Variants in DIPK1A observed in about 807,000 individuals in gnomAD.
DIPK1A encodes family with sequence similarity 69 member A.
A neutral mutation model predicts 40.8 loss-of-function variants in DIPK1A; 27 were observed. That is an observed-to-expected ratio of 0.66 (90% CI 0.49 to 0.91). DIPK1A has a LOEUF of 0.91. Ranked by LOEUF, DIPK1A falls within the 40% of genes least tolerant of loss-of-function variation. The pLI, the probability that DIPK1A is intolerant of heterozygous loss-of-function variation, is 0.00. For synonymous variants in DIPK1A, 166 were observed against 171.3 expected (o/e 0.97, Z 0.24); for missense variants, 412 against 505.7 (o/e 0.81, Z 1.78).
chr1:92,918,232 C>G (rs773920574), intron 1 of DIPK1A, among the ~76,000 whole-genome samples: 10 of 152,124 alleles, frequency 6.6e-5, no homozygotes, highest in Non-Finnish European at 1.5e-4. Context: ...TCACTCCAAT[C>G]TCCACCTTCC....
At chr1:92,859,931 G>A (rs1464801280) in intron 2 of DIPK1A, among the ~76,000 whole-genome samples, 1 of 152,108 alleles carries the variant, frequency 6.6e-6, no homozygotes, top group East Asian at 1.9e-4. Flanking sequence ...CAAGCTACTG[G>A]CCTCAGGCAA....
intron 1 of DIPK1A, among the ~76,000 whole-genome samples, chr1:92,882,627 T>C (rs1030271908): frequency 6.6e-6 from 1 of 152,242 alleles, no homozygotes; most frequent in East Asian, 1.9e-4. Flanking sequence ...GATTTAACCA[T>C]GCTGATACAT....
intron 1 of DIPK1A, among the ~76,000 whole-genome samples, chr1:92,885,134 G>A (rs1202742979): frequency 6.6e-6 from 1 of 152,162 alleles, no homozygotes; most frequent in African/African-American, 2.4e-5. Flanking sequence ...AGAGACCAGG[G>A]AGGGGTGGAA....
chr1:92,837,464 G>A, downstream of DIPK1A: 1 of 1,613,174 alleles, frequency 6.2e-7, no homozygotes, highest in Non-Finnish European at 8.5e-7. Context: ...AGTACCAAAC[G>A]ATTCCCTGGT....
chr1:92,854,365 T>A (rs1326255923), intron 2 of DIPK1A, among the ~76,000 whole-genome samples: 2 of 152,220 alleles, frequency 1.3e-5, no homozygotes, highest in Middle Eastern at 3.2e-3. Flanking sequence ...AACTACAAAA[T>A]AATAAAGCCA....
At chr1:92,913,199 T>C (rs1480898973) in intron 1 of DIPK1A, among the ~76,000 whole-genome samples, 1 of 152,220 alleles carries the variant, frequency 6.6e-6, no homozygotes. Context: ...AGATGAGGTG[T>C]TAGCTTTCTA....
At chr1:92,839,881 C>T (rs560644554), downstream of DIPK1A, among the ~76,000 whole-genome samples, 1 of 151,432 alleles carries the variant, frequency 6.6e-6, no homozygotes, top group Non-Finnish European at 1.5e-5. Context: ...TGTTCTGTTT[C>T]CTGGGCTGGG....
intron 4 of DIPK1A, chr1:92,837,031 G>T (rs1227523557): frequency 2.1e-5 from 6 of 280,466 alleles, no homozygotes. Flanking sequence ...TTATGATGTG[G>T]AGGTGGGTGG....
rs181791233 is a variant in DIPK1A at position 92,845,125 on chromosome 1, T to A, written c.475-930A>T. ...ACGCCCAGCTAATTTTTTTTTGTAT[T>A]TTTAGTAGAGACGGGGTTTCACCAT... On this transcript the variant is annotated intron_variant, in intron 4 of 4. Transcript: ENST00000370310. 1.6e-3 allele frequency among the ~76,000 whole-genome samples: 243 copies of A among 151,506 alleles called. 1 individual carries two copies. Among genetic ancestry groups the A allele is most frequent in the African/African-American group, 5.7e-3 (236 of 41,368 alleles).
Position 92,851,542 on chromosome 1 carries a change from C to CAAAAA in DIPK1A, c.190-592_190-588dup, listed in dbSNP as rs59664439. Among the ~76,000 whole-genome samples the CAAAAA allele has an allele frequency of 5.0e-3, 174 of 34,774 alleles. 31 individuals carry two copies. Among genetic ancestry groups the CAAAAA allele is most frequent in the Middle Eastern group, 0.031 (1 of 32 alleles). 22.8% of individuals were successfully genotyped at this position (34,774 alleles called of 152,430 possible). A position where few individuals can be genotyped will look rare whatever the true frequency, so the allele number is the denominator to read the frequency against. On this transcript the variant is annotated intron_variant, in intron 2 of 4. Transcript: ENST00000370310. ...TGGGTGAGAGAGTGAGACCCTATCTCAAAAAAAAAAAAAAAAAAAACTTCT... is the reference window on the plus strand; with the variant it reads ...TGGGTGAGAGAGTGAGACCCTATCTCAAAAAAAAAAAAAAAAAAAAAAAAACTTCT...
In DIPK1A at chr1:92,843,685, G is replaced by A. The variant is rs1422583064; in HGVS notation, c.985C>T (p.Arg329Cys). 2.6e-6 allele frequency: 4 copies of A among 1,551,534 alleles called. No individual in the cohort carries two copies. The highest frequency in any genetic ancestry group is 2.6e-6 in the Non-Finnish European group (3 of 1,146,980). Residue 329 changes from arginine (R) to cysteine (C), a missense_variant, in exon 5 of 5, where the codon CGT becomes TGT. Coordinates refer to ENST00000370310, the MANE Select transcript of DIPK1A (RefSeq NM_001006605.5). ...CAGTCCAAATCAGACTCACAGTGAC[G>A]ATCCTTAATAAGTTCTTTCAGGTTT... ...ETNLKELIKD[R>C]HCESDLDCVY... is the part of the protein sequence containing the mutation.
intron 4 of DIPK1A, chr1:92,836,845 T>C (rs1411299156): frequency 4.9e-6 from 1 of 204,204 alleles, no homozygotes; most frequent in Non-Finnish European, 1.0e-5. Context: ...TTGTAGGCCA[T>C]TTTGGGAAGT....
At chr1:92,876,104 A>C (rs1046676866) in intron 2 of DIPK1A, among the ~76,000 whole-genome samples, 192 bp downstream of exon 2, 3 of 151,522 alleles carry the variant, frequency 2.0e-5, no homozygotes, top group African/African-American at 7.3e-5. Context: ...TATATATTTA[A>C]ATTTCTGAAC....
At position 92,880,505 on chromosome 1, in the gene DIPK1A, G is replaced by T. The variant is rs1055825950; in HGVS notation, c.55-4075C>A. On this transcript the variant is annotated intron_variant, in intron 1 of 4. Coordinates refer to ENST00000370310, the MANE Select transcript of DIPK1A (RefSeq NM_001006605.5). The stretch of plus-strand genomic sequence containing the variant: ...TTTCAAAACAAATCTGAAAATTTTT[G>T]ATCTTGTTTGTAACTTTACATTAAG... 4.6e-5 allele frequency among the ~76,000 whole-genome samples: 7 copies of T among 152,104 alleles called. No homozygotes were observed. In the East Asian group the frequency reaches 5.8e-4, roughly 13 times the overall value.
Position 92,868,609 on chromosome 1 carries a change from C to T in DIPK1A, c.189+7687G>A, listed in dbSNP as rs575833774. Among the ~76,000 whole-genome samples, 6 of 152,240 alleles carry T rather than the reference C, an allele frequency of 3.9e-5. No individual in the cohort carries two copies. In the South Asian group the frequency reaches 8.3e-4, roughly 21 times the overall value. The stretch of plus-strand genomic sequence containing the variant: ...TGCTATTACATATGTTTTCATTGCA[C>T]TTGTCAGTACCTTATTTATTTACTT... On this transcript the variant is annotated intron_variant, in intron 2 of 4. Coordinates refer to ENST00000370310, the MANE Select transcript of DIPK1A (RefSeq NM_001006605.5).
At chr1:92,941,827 CA>C (rs1367108822) in intron 1 of DIPK1A, among the ~76,000 whole-genome samples, 3 of 152,018 alleles carry the variant, frequency 2.0e-5, no homozygotes, top group Non-Finnish European at 4.4e-5. Context: ...AAAGTGCACT[CA>C]AATGTACAGA....
At chr1:92,877,137 A>T (rs1179091445) in intron 1 of DIPK1A, 2 of 985,256 alleles carry the variant, frequency 2.0e-6, no homozygotes, top group African/African-American at 3.5e-5. Flanking sequence ...GCACAATAGG[A>T]TCCTCTTTGC....
chr1:92,897,385 C>T (rs1649216789), intron 1 of DIPK1A, among the ~76,000 whole-genome samples: 1 of 152,066 alleles, frequency 6.6e-6, no homozygotes, highest in South Asian at 2.1e-4. Context: ...AACCATCATT[C>T]TCAGCAAACT....
intron 1 of DIPK1A, among the ~76,000 whole-genome samples, chr1:92,938,914 A>AT (rs890609073): frequency 6.6e-6 from 1 of 152,118 alleles, no homozygotes; most frequent in Non-Finnish European, 1.5e-5. Flanking sequence ...TTTATCATTT[A>AT]TTTTTTAGAC....
Sources: allele counts gnomAD v4.1 joint callset (sites outside exome capture counted in the v4.1 genomes callset), GRCh38; gene constraint gnomAD v4.1.1; transcripts MANE v1.5; gene names NCBI Gene and HGNC (gene_info 2026-07-23, HGNC 2026-07-21).